Variants in NRG3 observed in about 807,000 individuals in gnomAD.
NRG3 encodes neuregulin 3, also known as pro-neuregulin-3, membrane-bound isoform.
Under a neutral mutation model 66.9 loss-of-function variants are expected in NRG3, and 31 were observed. The ratio of observed to expected loss-of-function variants is 0.46; its 90% confidence interval spans 0.35 to 0.63. NRG3 has a LOEUF of 0.63. Ranked by LOEUF, NRG3 falls within the 20% of genes least tolerant of loss-of-function variation. The pLI is 0.00. For synonymous variants in NRG3, 393 were observed against 359.4 expected (o/e 1.09, Z -1.06); for missense variants, 910 against 878.9 (o/e 1.04, Z -0.45).
intron 1 of NRG3, among the ~76,000 whole-genome samples, chr10:82,074,044 G>A (rs1372397086): frequency 6.6e-6 from 1 of 151,822 alleles, no homozygotes; most frequent in African/African-American, 2.4e-5. Flanking sequence ...GAGAGATACA[G>A]CAGCATAGCA....
intron 1 of NRG3, among the ~76,000 whole-genome samples, chr10:82,078,940 T>C (rs2065237451): frequency 6.6e-6 from 1 of 152,216 alleles, no homozygotes; most frequent in African/African-American, 2.4e-5. Context: ...GCCTGGATTT[T>C]GCAAACAGTG....
At position 82,334,943 on chromosome 10, in the gene NRG3, C is replaced by T. The variant is rs190755550; in HGVS notation, c.824-23796C>T. The stretch of plus-strand genomic sequence containing the variant: ...GCCAGCATTTATTGATTACACACTA[C>T]ATGTTGTTACATACATTCATTTATA... On this transcript the variant is annotated intron_variant, in intron 1 of 8. Coordinates refer to ENST00000372141, the MANE Select transcript of NRG3 (RefSeq NM_001010848.4). Among the ~76,000 whole-genome samples, 9 of 152,332 alleles carry T rather than the reference C, an allele frequency of 5.9e-5. No homozygotes were observed. In the East Asian group the frequency reaches 1.7e-3, roughly 29 times the overall value.
At chr10:82,136,410 C>G (rs1291208442) in intron 1 of NRG3, among the ~76,000 whole-genome samples, 2 of 152,078 alleles carry the variant, frequency 1.3e-5, no homozygotes, top group African/African-American at 4.8e-5. Context: ...GTGTCCTTCT[C>G]TTTATTGATG....
chr10:82,682,200 A>G (rs2054152736), intron 2 of NRG3, among the ~76,000 whole-genome samples: 1 of 152,150 alleles, frequency 6.6e-6, no homozygotes, highest in Admixed American at 6.5e-5. Flanking sequence ...CTCACTATTT[A>G]TTGTTTATCA....
At chr10:82,360,433 A>C (rs983152236) in intron 2 of NRG3, among the ~76,000 whole-genome samples, 7 of 152,350 alleles carry the variant, frequency 4.6e-5, no homozygotes, top group African/African-American at 1.7e-4. Flanking sequence ...CAATTGAAGA[A>C]GGGATGAATC....
At chr10:82,538,610 C>A (rs546417928) in intron 2 of NRG3, among the ~76,000 whole-genome samples, 7 of 152,010 alleles carry the variant, frequency 4.6e-5, no homozygotes, top group East Asian at 1.9e-4. Context: ...GATGGCAAAA[C>A]CCTAACTCTA....
intron 2 of NRG3, among the ~76,000 whole-genome samples, chr10:82,589,900 GT>G (rs2133296516): frequency 6.6e-6 from 1 of 152,272 alleles, no homozygotes; most frequent in South Asian, 2.1e-4. Flanking sequence ...TTCTGCAACT[GT>G]GGAAATGGCT....
At chr10:82,223,656 C>T (rs900421218) in intron 1 of NRG3, among the ~76,000 whole-genome samples, 1 of 149,964 alleles carries the variant, frequency 6.7e-6, no homozygotes, top group East Asian at 2.0e-4. Context: ...CACACACACA[C>T]ACACACACAC....
chr10:81,882,400 T>C (rs1435165330), intron 1 of NRG3, among the ~76,000 whole-genome samples: 2 of 152,170 alleles, frequency 1.3e-5, no homozygotes, highest in African/African-American at 2.4e-5. Flanking sequence ...GTAACAAATA[T>C]ATGTGTGTGT....
intron 2 of NRG3, among the ~76,000 whole-genome samples, chr10:82,562,444 AT>A (rs2045113598): frequency 6.6e-6 from 1 of 152,204 alleles, no homozygotes; most frequent in East Asian, 1.9e-4. Flanking sequence ...TAAATACTGC[AT>A]TCTAATCACT....
intron 2 of NRG3, among the ~76,000 whole-genome samples, chr10:82,380,052 A>G (rs1010564146): frequency 1.3e-5 from 2 of 152,112 alleles, no homozygotes; most frequent in African/African-American, 4.8e-5. Context: ...CCATTCCTCA[A>G]TCCTCCTCAC....
At chr10:82,206,909 G>A (rs956883461) in intron 1 of NRG3, among the ~76,000 whole-genome samples, 1 of 152,172 alleles carries the variant, frequency 6.6e-6, no homozygotes, top group African/African-American at 2.4e-5. Context: ...TTATGAGGTT[G>A]ATATTCTTAC....
intron 4 of NRG3, among the ~76,000 whole-genome samples, chr10:82,899,444 G>A (rs1309956950): frequency 6.6e-6 from 1 of 152,152 alleles, no homozygotes; most frequent in East Asian, 1.9e-4. Context: ...AAAGGACTTA[G>A]GAAATATATC....
chr10:81,996,517 T>A (rs1272648887), intron 1 of NRG3, among the ~76,000 whole-genome samples: 1 of 152,206 alleles, frequency 6.6e-6, no homozygotes, highest in Non-Finnish European at 1.5e-5. Context: ...TAGTATAAGA[T>A]ATTTACATAT....
intron 1 of NRG3, among the ~76,000 whole-genome samples, chr10:82,329,220 C>G (rs950887008): frequency 6.6e-6 from 1 of 152,088 alleles, no homozygotes; most frequent in Admixed American, 6.5e-5. Flanking sequence ...GAGGAGCTGT[C>G]AAACTTTTTA....
chr10:82,051,446 TCCTA>T (rs1327095119), intron 1 of NRG3, among the ~76,000 whole-genome samples: 1 of 152,122 alleles, frequency 6.6e-6, no homozygotes, highest in Non-Finnish European at 1.5e-5. Flanking sequence ...CCATCACTGC[TCCTA>T]CCTGAAACCC....
chr10:82,362,952 A>G (rs1250999366), intron 2 of NRG3, among the ~76,000 whole-genome samples: 1 of 152,210 alleles, frequency 6.6e-6, no homozygotes, highest in Non-Finnish European at 1.5e-5. Context: ...GTAAAATTAC[A>G]TGTTTATTTA....
chr10:82,770,263 T>C (rs2059665882), intron 3 of NRG3, among the ~76,000 whole-genome samples: 2 of 152,092 alleles, frequency 1.3e-5, no homozygotes, highest in African/African-American at 4.8e-5. Flanking sequence ...TAGAAAGGCA[T>C]TTCAAAACTT....
At chr10:82,751,238 T>G (rs373341645) in intron 3 of NRG3, among the ~76,000 whole-genome samples, 10 of 152,258 alleles carry the variant, frequency 6.6e-5, no homozygotes, top group African/African-American at 2.4e-4. Context: ...GAAAAGTCAA[T>G]CCCTTAGGGA....
Sources: allele counts gnomAD v4.1 joint callset (sites outside exome capture counted in the v4.1 genomes callset), GRCh38; gene constraint gnomAD v4.1.1; transcripts MANE v1.5; gene names NCBI Gene and HGNC (gene_info 2026-07-23, HGNC 2026-07-21).